TENM4: variants seen among roughly 807,000 people sequenced by gnomAD.
TENM4 encodes teneurin transmembrane protein 4.
In TENM4, 82 loss-of-function variants were observed where a neutral mutation model predicts 243.3. That is an observed-to-expected ratio of 0.34 (90% CI 0.28 to 0.40). The LOEUF is 0.40. Ranked by LOEUF, TENM4 falls within the 10% of genes least tolerant of loss-of-function variation. TENM4 has a pLI of 1.00. For missense variants in TENM4, 3,138 were observed against 3,673.3 expected, an observed-to-expected ratio of 0.85 and a Z score of 3.77; for synonymous variants, 1,412 against 1,456.3, an observed-to-expected ratio of 0.97 and a Z score of 0.69.
chr11:79,294,937 G>A (rs1441863384), intron 2 of TENM4, among the ~76,000 whole-genome samples: 1 of 152,100 alleles, frequency 6.6e-6, no homozygotes, highest in Non-Finnish European at 1.5e-5. Context: ...TTTGCTGCCT[G>A]GAGCCAGCAT....
At chr11:79,178,927 A>C (rs916641544) in intron 3 of TENM4, among the ~76,000 whole-genome samples, 2 of 152,260 alleles carry the variant, frequency 1.3e-5, no homozygotes, top group Non-Finnish European at 2.9e-5. Context: ...GTATCTGGCT[A>C]GAAGAAAGTA....
At chr11:79,004,943 A>C (rs1199253653) in intron 6 of TENM4, among the ~76,000 whole-genome samples, 5 of 856 alleles carry the variant, frequency 5.8e-3, no homozygotes, top group African/African-American at 0.016. Flanking sequence ...AGAAATACCA[A>C]AAAAAAAAAA....
chr11:79,287,342 T>C (rs1277366185), intron 2 of TENM4, among the ~76,000 whole-genome samples: 3 of 152,172 alleles, frequency 2.0e-5, no homozygotes, highest in Admixed American at 2.0e-4. Flanking sequence ...CTCCACATCA[T>C]GGCTGGTAGA....
intron 1 of TENM4, among the ~76,000 whole-genome samples, chr11:79,412,824 C>A (rs1330400323): frequency 6.6e-6 from 1 of 152,178 alleles, no homozygotes; most frequent in East Asian, 1.9e-4. Flanking sequence ...AACATTCTGT[C>A]TTACAACTCT....
chr11:79,199,727 A>G (rs1326083894), intron 3 of TENM4, among the ~76,000 whole-genome samples: 2 of 152,148 alleles, frequency 1.3e-5, no homozygotes, highest in African/African-American at 2.4e-5. Flanking sequence ...TGTAATCTCT[A>G]TTGATTTCCA....
chr11:79,348,611 G>A (rs759084494), intron 1 of TENM4, among the ~76,000 whole-genome samples: 6 of 152,142 alleles, frequency 3.9e-5, no homozygotes, highest in Non-Finnish European at 7.4e-5. Flanking sequence ...CACTCATGAT[G>A]GTATTAGTGG....
chr11:79,248,387 T>G (rs1397323842), intron 2 of TENM4, among the ~76,000 whole-genome samples: 1 of 152,170 alleles, frequency 6.6e-6, no homozygotes, highest in African/African-American at 2.4e-5. Context: ...GGGACCACAG[T>G]ATTACAGAGT....
At chr11:78,754,163 ATG>A (rs1283777593) in intron 19 of TENM4, among the ~76,000 whole-genome samples, 38 of 152,318 alleles carry the variant, frequency 2.5e-4, no homozygotes, top group African/African-American at 8.7e-4. Context: ...CATTTACAGG[ATG>A]CACTCTATTA....
intron 24 of TENM4, 71 bp from the exon 25 acceptor site, chr11:78,720,461 TAGC>T: frequency 6.5e-7 from 1 of 1,544,520 alleles, no homozygotes; most frequent in Non-Finnish European, 8.9e-7. Context: ...GAAGCATTAT[TAGC>T]AGCCTGAAAA....
intron 19 of TENM4, among the ~76,000 whole-genome samples, chr11:78,746,040 C>G (rs981000057): frequency 6.6e-6 from 1 of 152,176 alleles, no homozygotes; most frequent in African/African-American, 2.4e-5. Flanking sequence ...GCAACCTCTA[C>G]CTCCAGGGTT....
intron 6 of TENM4, among the ~76,000 whole-genome samples, chr11:79,046,996 A>G (rs979331435): frequency 1.3e-5 from 2 of 152,170 alleles, no homozygotes; most frequent in Non-Finnish European, 2.9e-5. Flanking sequence ...ATCTATACAT[A>G]TTTATGGAAT....
intron 4 of TENM4, among the ~76,000 whole-genome samples, chr11:79,109,147 A>G (rs369932624): frequency 1.3e-5 from 2 of 152,216 alleles, no homozygotes; most frequent in African/African-American, 2.4e-5. Flanking sequence ...GCGACACTTC[A>G]AGGAAGCAAG....
At chr11:79,070,145 T>A in intron 4 of TENM4, 136 bp from the exon 5 acceptor site, 2 of 1,112,400 alleles carry the variant, frequency 1.8e-6, no homozygotes, top group Non-Finnish European at 2.5e-6. Context: ...GCTCCACCAC[T>A]ACGCAGCCCA....
At chr11:78,891,531 C>T (rs1565426216) in intron 7 of TENM4, among the ~76,000 whole-genome samples, 195 bp from the exon 8 acceptor site, 1 of 152,194 alleles carries the variant, frequency 6.6e-6, no homozygotes, top group Non-Finnish European at 1.5e-5. Flanking sequence ...AGAGAGAATA[C>T]TGTCTATATA....
At chr11:78,904,717 G>C (rs1455434245) in intron 6 of TENM4, among the ~76,000 whole-genome samples, 3 of 152,142 alleles carry the variant, frequency 2.0e-5, no homozygotes, top group Non-Finnish European at 4.4e-5. Flanking sequence ...TAATTATTCA[G>C]AACACCAGGT....
chr11:79,123,370 G>A (rs186210283), intron 4 of TENM4, among the ~76,000 whole-genome samples: 15 of 152,166 alleles, frequency 9.9e-5, no homozygotes, highest in African/African-American at 3.6e-4. Flanking sequence ...AAGTGATGGA[G>A]CTGGGGTTCA....
Position 79,249,605 on chromosome 11 carries a change from G to A in TENM4, c.-264-33696C>T, listed in dbSNP as rs555621112. Among the ~76,000 whole-genome samples the A allele has an allele frequency of 5.9e-5, 9 of 152,252 alleles. No individual in the cohort carries two copies. The South Asian group carries it at 1.2e-3, about 21-fold the overall frequency. ...AGCCTCTCAGCAACCCAAAGGTATC[G>A]CAATATTCACACGCAGTATTTATGT... is the stretch of plus-strand genomic sequence containing the variant. On this transcript the variant is annotated intron_variant, in intron 2 of 33. Transcript: ENST00000278550.
chr11:79,106,176 A>G (rs554185675), intron 4 of TENM4, among the ~76,000 whole-genome samples: 4 of 152,362 alleles, frequency 2.6e-5, no homozygotes, highest in African/African-American at 9.6e-5. Flanking sequence ...TCCAAGTCAC[A>G]GAGTGAAGAA....
chr11:78,978,261 G>A (rs890144005), intron 6 of TENM4, among the ~76,000 whole-genome samples: 4 of 151,942 alleles, frequency 2.6e-5, no homozygotes, highest in Non-Finnish European at 5.9e-5. Flanking sequence ...TAGATGACAT[G>A]TTGATAAGTG....
Sources: gnomAD v4.1 joint callset for allele counts (sites outside exome capture counted in the v4.1 genomes callset) on GRCh38, gnomAD v4.1.1 for gene constraint, MANE v1.5 for transcripts, NCBI Gene and HGNC (gene_info 2026-07-23, HGNC 2026-07-21) for gene names.